VSIR: variants seen among roughly 807,000 people sequenced by gnomAD.
VSIR encodes V-type immunoglobulin domain-containing suppressor of T-cell activation.
VSIR carries 10 observed loss-of-function variants against 31.0 expected under a neutral mutation model. That is an observed-to-expected ratio of 0.32 (90% CI 0.20 to 0.55). VSIR has a LOEUF of 0.55. Ranked by LOEUF, VSIR falls within the 20% of genes least tolerant of loss-of-function variation. The probability of loss-of-function intolerance (pLI) is 0.93; values close to 1 mark genes in which losing one functional copy is unlikely to be tolerated. For synonymous variants in VSIR, 179 were observed against 180.1 expected (o/e 0.99, Z 0.05); for missense variants, 356 against 416.2 (o/e 0.86, Z 1.26).
intron 3 of VSIR, among the ~76,000 whole-genome samples, chr10:71,756,585 G>T (rs556522814): frequency 3.3e-4 from 50 of 152,314 alleles, no homozygotes; most frequent in African/African-American, 1.0e-3. Context: ...CCTCCAAAAA[G>T]GTGTACACGA....
At chr10:71,760,988 C>T in intron 2 of VSIR, 64 bp from the exon 3 acceptor site, 1 of 1,527,168 alleles carries the variant, frequency 6.5e-7, no homozygotes, top group South Asian at 1.1e-5. Flanking sequence ...GGAGGCTTGT[C>T]CAGGCCAGTG....
chr10:71,754,315 TG>T (rs1173681826), intron 4 of VSIR, among the ~76,000 whole-genome samples: 1 of 124,000 alleles, frequency 8.1e-6, no homozygotes, highest in Non-Finnish European at 1.7e-5. Context: ...TGACCCACTA[TG>T]GGGCTTCACG....
Position 71,752,929 on chromosome 10 carries a change from T to G in VSIR, c.704+46A>C, listed in dbSNP as rs146914425. The G allele has an allele frequency of 8.6e-4, 1,375 of 1,603,908 alleles. 14 individuals are homozygous for G. In the African/African-American group the frequency reaches 0.013, roughly 16 times the overall value. Reference sequence around the variant, plus strand: ...CTGCACAGAAGTATCTCTTCCTGGATAGCCGGCCCAGGAAGTTTTCTCAAG... The same window carrying G: ...CTGCACAGAAGTATCTCTTCCTGGAGAGCCGGCCCAGGAAGTTTTCTCAAG... On this transcript the variant is annotated intron_variant, in intron 5 of 6. Transcript: ENST00000394957.
intron 1 of VSIR, among the ~76,000 whole-genome samples, chr10:71,763,185 T>C (rs902481318): frequency 1.3e-5 from 2 of 152,228 alleles, no homozygotes; most frequent in Non-Finnish European, 2.9e-5. Flanking sequence ...TTTATTTATT[T>C]GTTTTTGAGA....
At chr10:71,756,018 C>T (rs1733201262) in intron 3 of VSIR, among the ~76,000 whole-genome samples, 1 of 152,150 alleles carries the variant, frequency 6.6e-6, no homozygotes, top group Non-Finnish European at 1.5e-5. Flanking sequence ...ATCCCAGAGA[C>T]TCCTTAGCTC....
Position 71,761,685 on chromosome 10 carries a change from C to T in VSIR, c.424G>A (p.Gly142Ser), listed in dbSNP as rs1288521878. 5.6e-6 allele frequency: 9 copies of T among 1,613,744 alleles called. No homozygotes were observed. The highest frequency in any genetic ancestry group is 4.5e-5 in the East Asian group (2 of 44,890). ...TCCACCACCAGGCAGCAGTAGAGGCCGCTATCCAGCAGGGTCAGGTTGCGC... is the reference window on the plus strand; with the variant it reads ...TCCACCACCAGGCAGCAGTAGAGGCTGCTATCCAGCAGGGTCAGGTTGCGC... ...TMRNLTLLDS[G>S]LYCCLVVEIR... Residue 142 changes from glycine to serine, a missense_variant, in exon 2 of 7, where the codon GGC becomes AGC. By Grantham distance (56) the Gly-to-Ser change is moderately conservative. Transcript: ENST00000394957.
chr10:71,773,383 G>T lies in VSIR; in HGVS notation c.57C>A (p.Phe19Leu), dbSNP rs1447953206. 6.2e-7 allele frequency: 1 copy of T among 1,610,306 alleles called. No homozygotes were observed. The highest frequency in any genetic ancestry group is 8.5e-7 in the Non-Finnish European group (1 of 1,178,612). ...CTAGGGACGCAGCCAGGAAGAGAGC[G>T]AAGAGCAGGGATCCCCAGCGCCAGC... ...AGSWRWGSLL[F>L]ALFLAASLGP... is the part of the protein sequence containing the mutation. Residue 19 changes from phenylalanine (F) to leucine (L), a missense_variant, in exon 1 of 7, where the codon TTC becomes TTA. Transcript: ENST00000394957.
At chr10:71,760,651 G>A (rs545058291) in intron 3 of VSIR, 3 of 554,950 alleles carry the variant, frequency 5.4e-6, no homozygotes, top group Non-Finnish European at 9.8e-6. Flanking sequence ...AGAGAGTCAA[G>A]AGGAGCAGAG....
chr10:71,759,902 TATAC>T (rs1840269947), intron 3 of VSIR, among the ~76,000 whole-genome samples: 6 of 83,868 alleles, frequency 7.2e-5, no homozygotes, highest in African/African-American at 2.5e-4. Context: ...CACACACATA[TATAC>T]ACACACACAT....
At chr10:71,752,916 ATC>A in intron 5 of VSIR, 57 bp downstream of exon 5, 6 of 1,589,640 alleles carry the variant, frequency 3.8e-6, no homozygotes, top group Non-Finnish European at 5.2e-6. Flanking sequence ...GCACAGAAGT[ATC>A]TCTTCCTGGA....
chr10:71,754,653 C>T (rs1311270035), intron 4 of VSIR, among the ~76,000 whole-genome samples: 1 of 152,166 alleles, frequency 6.6e-6, no homozygotes, highest in Non-Finnish European at 1.5e-5. Context: ...CTGTGTGGTT[C>T]CTTAGGCAAG....
In VSIR at chr10:71,751,221, C is replaced by T. The variant is rs760072441; in HGVS notation, c.*32G>A. The T allele has an allele frequency of 1.1e-5, 17 of 1,600,436 alleles. No homozygotes were observed. In the East Asian group the frequency reaches 3.6e-4, roughly 34 times the overall value. ...GGCTCAAATGCACCTGCCCCAGACC[C>T]AGCCACAACAGCCCACTGTCCCCCA... is the stretch of plus-strand genomic sequence containing the variant. On this transcript the variant is annotated 3_prime_UTR_variant, in exon 7 of 7. Coordinates refer to ENST00000394957, the MANE Select transcript of VSIR (RefSeq NM_022153.2). The surrounding 1 kb of genome is among the most constrained non-coding windows in gnomAD (Gnocchi z 4.9).
In VSIR at chr10:71,749,395, C is replaced by T. The variant is rs1839935595; in HGVS notation, c.*1858G>A. 1 of 152,238 alleles carries T rather than the reference C, an allele frequency of 6.6e-6. No individual in the cohort carries two copies. Among genetic ancestry groups the T allele is most frequent in the African/African-American group, 2.4e-5 (1 of 41,430 alleles). 9.4% of individuals were successfully genotyped at this position (152,238 alleles called of 1,614,324 possible). Reference sequence around the variant, plus strand: ...GAACACAGCTCACAGCAGCCTTGAACACCTGGGCTTAAGCGGTCCTTCCAC... The same window carrying T: ...GAACACAGCTCACAGCAGCCTTGAATACCTGGGCTTAAGCGGTCCTTCCAC... On this transcript the variant is annotated 3_prime_UTR_variant, in exon 7 of 7. Transcript: ENST00000394957.
At chr10:71,755,920 AT>A (rs1188615323) in intron 3 of VSIR, among the ~76,000 whole-genome samples, 1 of 152,204 alleles carries the variant, frequency 6.6e-6, no homozygotes, top group Non-Finnish European at 1.5e-5. Context: ...AATGTAATTA[AT>A]GCCACCAAAC....
At chr10:71,755,326 G>A (rs373098678) in intron 4 of VSIR, 33 bp downstream of exon 4, 70 of 1,577,752 alleles carry the variant, frequency 4.4e-5, no homozygotes, top group Middle Eastern at 3.3e-4. Flanking sequence ...CACTCGCACC[G>A]TCCACCCACC....
chr10:71,759,606 A>G (rs1840242640), intron 3 of VSIR, among the ~76,000 whole-genome samples: 1 of 151,614 alleles, frequency 6.6e-6, no homozygotes, highest in South Asian at 2.1e-4. Flanking sequence ...CAGTAGTTTG[A>G]GACCAGCCTG....
At position 71,751,747 on chromosome 10, in the gene VSIR, C is replaced by T; in HGVS notation, c.819G>A (p.Glu273=). 1 of 1,601,592 alleles carries T rather than the reference C, an allele frequency of 6.2e-7. No individual in the cohort carries two copies. Among genetic ancestry groups the T allele is most frequent in the Non-Finnish European group, 8.5e-7 (1 of 1,173,666 alleles). The change falls in exon 6 of 7, where the codon GAG becomes GAA. Residue 273 remains glutamate, a synonymous_variant. Transcript: ENST00000394957. The surrounding 1 kb of genome is among the most constrained non-coding windows in gnomAD (Gnocchi z 4.9). ...GCTCCGAAAGCAGATGCCGCCCAGA[C>T]TCAGAAGGCTGCCGCTGGGCCACAT... ...LSYVAQRQPS[E]SGRHLLSEPS... is the part of the protein sequence containing the mutation.
At position 71,772,665 on chromosome 10, in the gene VSIR, A is replaced by G. The variant is rs113161518; in HGVS notation, c.82+693T>C. 5.0e-3 allele frequency among the ~76,000 whole-genome samples: 769 copies of G among 152,350 alleles called. 9 individuals are homozygous for G. The highest frequency in any genetic ancestry group is 0.018 in the African/African-American group (728 of 41,582). The stretch of plus-strand genomic sequence containing the variant: ...GCCGTAATTTATCCAGGGACCCAGA[A>G]GGGGCTCATAGCTGAGCTGAAGAGT... On this transcript the variant is annotated intron_variant, in intron 1 of 6. Coordinates refer to ENST00000394957, the MANE Select transcript of VSIR (RefSeq NM_022153.2).
intron 1 of VSIR, among the ~76,000 whole-genome samples, chr10:71,768,960 T>C (rs1840623824): frequency 6.6e-6 from 1 of 152,198 alleles, no homozygotes; most frequent in Admixed American, 6.5e-5. Context: ...AGTCAGCCTC[T>C]GGAGGTCTGG....
Sources: allele counts gnomAD v4.1 joint callset (sites outside exome capture counted in the v4.1 genomes callset), GRCh38; gene constraint gnomAD v4.1.1; non-coding constraint Gnocchi (gnomAD v3.1); transcripts MANE v1.5; gene names NCBI Gene and HGNC (gene_info 2026-07-23, HGNC 2026-07-21).